Variants in CREB3L1 observed in about 807,000 individuals in gnomAD.
CREB3L1 encodes cAMP responsive element binding protein 3 like 1.
In CREB3L1, 33 loss-of-function variants were observed where a neutral mutation model predicts 54.5. The observed-to-expected ratio is 0.61, with a 90% confidence interval of 0.46 to 0.81. CREB3L1 has a LOEUF of 0.81. Among genes scored for constraint, CREB3L1 ranks in the 30% least tolerant of loss-of-function variants. CREB3L1 has a pLI of 0.00. For missense variants in CREB3L1, 656 were observed against 673.3 expected (o/e 0.97, Z 0.29); for synonymous variants, 284 against 286.4 (o/e 0.99, Z 0.08).
chr11:46,303,858 T>C (rs1159555683), intron 2 of CREB3L1, among the ~76,000 whole-genome samples: 1 of 151,688 alleles, frequency 6.6e-6, no homozygotes, highest in African/African-American at 2.4e-5. Flanking sequence ...ATTAAAAAAT[T>C]AGCCAGGCAT....
intron 1 of CREB3L1, among the ~76,000 whole-genome samples, chr11:46,279,428 C>G (rs1438918474): frequency 6.6e-6 from 1 of 152,128 alleles, no homozygotes; most frequent in Non-Finnish European, 1.5e-5. Context: ...TCCTGGTCAC[C>G]CTGCGCTCTG....
chr11:46,289,930 A>T (rs1322372755), intron 1 of CREB3L1, among the ~76,000 whole-genome samples: 3 of 152,168 alleles, frequency 2.0e-5, no homozygotes, highest in African/African-American at 7.2e-5. Flanking sequence ...CCTGCGGTCC[A>T]TCAGGCGGAT....
intron 1 of CREB3L1, among the ~76,000 whole-genome samples, chr11:46,298,060 G>A (rs192496081): frequency 6.5e-4 from 99 of 152,328 alleles, no homozygotes; most frequent in African/African-American, 2.3e-3. Flanking sequence ...CTGAGGCACG[G>A]GGAAGTTAAG....
rs1566176814 is a variant in CREB3L1, at chr11:46,278,053, G to A, written c.-59G>A. On this transcript the variant is annotated 5_prime_UTR_variant, in exon 1 of 12. Coordinates refer to ENST00000621158, the MANE Select transcript of CREB3L1 (RefSeq NM_052854.4). This position sits in a 1 kb window ranked among gnomAD's most constrained non-coding sequence, Gnocchi z 4.2. ...CTCAGGCAGGAGCTCTGGACTGGGCGCGCCGCCGCCCTGGAGTGAGGGAAG... is the reference window on the plus strand; with the variant it reads ...CTCAGGCAGGAGCTCTGGACTGGGCACGCCGCCGCCCTGGAGTGAGGGAAG... 9.1e-7 allele frequency: 1 copy of A among 1,099,916 alleles called. No individual in the cohort carries two copies. Among genetic ancestry groups the A allele is most frequent in the Non-Finnish European group, 1.3e-6 (1 of 771,096 alleles). The allele number at this position is 1,099,916 out of a possible 1,614,324, so 68.1% of individuals were successfully genotyped here.
rs1160802290 is a variant in CREB3L1, at chr11:46,320,925, A to G, written c.*179A>G. ...TTTGGACTCTTCCCTTGGGCCGACC[A>G]CTCTGTTCTCATTCTCCTTCCCACC... On this transcript the variant is annotated 3_prime_UTR_variant, in exon 12 of 12. Coordinates refer to ENST00000621158, the MANE Select transcript of CREB3L1 (RefSeq NM_052854.4). 2 of 731,336 alleles carry G rather than the reference A, an allele frequency of 2.7e-6. No individual in the cohort carries two copies. Among genetic ancestry groups the G allele is most frequent in the East Asian group, 5.4e-5 (2 of 37,236 alleles). The allele number at this position is 731,336 out of a possible 1,614,324, so 45.3% of individuals were successfully genotyped here. A position where few individuals can be genotyped will look rare whatever the true frequency, so the allele number is the denominator to read the frequency against.
rs140310641 is a variant in CREB3L1, at chr11:46,280,745, C to T, written c.102+2532C>T. Among the ~76,000 whole-genome samples, 425 of 152,160 alleles carry T rather than the reference C, an allele frequency of 2.8e-3. 2 individuals carry two copies. Among genetic ancestry groups the T allele is most frequent in the African/African-American group, 9.9e-3 (412 of 41,506 alleles). On this transcript the variant is annotated intron_variant, in intron 1 of 11. Transcript: ENST00000621158. ...TCTCTGGGGTCTCCATCTCCATATC[C>T]GAGGTTCTTTCCAGCTGAGATCCCA...
chr11:46,311,890 C>A (rs567413238), intron 5 of CREB3L1, among the ~76,000 whole-genome samples: 1 of 152,304 alleles, frequency 6.6e-6, no homozygotes, highest in South Asian at 2.1e-4. Context: ...CAGGGGATGA[C>A]CCAGGCTGCC....
chr11:46,320,227 TCTTGGGCACACCGCTCATC>T lies in CREB3L1; in HGVS notation c.1259-34_1259-16del. ...GAATGTGGCCAGGATGTTGAGGGAA[TCTTGGGCACACCGCTCATC>T]CTACACTCCCTCTCCAGTGCCCTCC... On this transcript the variant is annotated intron_variant, in intron 10 of 11. Transcript: ENST00000621158. 6.5e-7 allele frequency: 1 copy of T among 1,543,276 alleles called. No individual in the cohort carries two copies.
intron 1 of CREB3L1, among the ~76,000 whole-genome samples, chr11:46,298,391 G>T (rs1335530426): frequency 6.6e-6 from 1 of 152,130 alleles, no homozygotes; most frequent in Non-Finnish European, 1.5e-5. Context: ...CAATAAATAA[G>T]GAACAAACAA....
chr11:46,294,663 G>C (rs1452006174), intron 1 of CREB3L1, among the ~76,000 whole-genome samples: 1 of 144,338 alleles, frequency 6.9e-6, no homozygotes, highest in Non-Finnish European at 1.5e-5. Context: ...CAATGCTTAA[G>C]GACAGGGGGG....
At chr11:46,280,932 T>C (rs1328284124) in intron 1 of CREB3L1, among the ~76,000 whole-genome samples, 2 of 152,222 alleles carry the variant, frequency 1.3e-5, no homozygotes, top group African/African-American at 2.4e-5. Flanking sequence ...CCATAAATCA[T>C]GTGGAAATCA....
intron 2 of CREB3L1, among the ~76,000 whole-genome samples, chr11:46,305,927 C>T (rs1429888328): frequency 5.3e-5 from 8 of 151,406 alleles, no homozygotes; most frequent in Admixed American, 2.0e-4. Flanking sequence ...TTAGTAGAGA[C>T]GGGGTTTCAC....
chr11:46,313,278 A>G (rs2136355895), intron 8 of CREB3L1, among the ~76,000 whole-genome samples: 1 of 152,328 alleles, frequency 6.6e-6, no homozygotes, highest in Non-Finnish European at 1.5e-5. Flanking sequence ...CTGTGTTTTA[A>G]TAAGCCCTCC....
chr11:46,308,308 G>A (rs1939432755), intron 3 of CREB3L1, among the ~76,000 whole-genome samples: 1 of 152,182 alleles, frequency 6.6e-6, no homozygotes, highest in Non-Finnish European at 1.5e-5. Flanking sequence ...GGGTCTCAGA[G>A]GTGGAGACAG....
At chr11:46,312,752 G>A in intron 7 of CREB3L1, 82 bp downstream of exon 7, 1 of 1,555,624 alleles carries the variant, frequency 6.4e-7, no homozygotes, top group Non-Finnish European at 8.7e-7. Context: ...GGGCAGCAGA[G>A]GCAGGGGGCA....
intron 2 of CREB3L1, among the ~76,000 whole-genome samples, chr11:46,307,480 G>A (rs966202714): frequency 6.6e-6 from 1 of 152,160 alleles, no homozygotes; most frequent in Non-Finnish European, 1.5e-5. Context: ...CAGAACTTCT[G>A]TATTAGGTAC....
At chr11:46,305,570 T>TTA (rs1335228537) in intron 2 of CREB3L1, among the ~76,000 whole-genome samples, 71 of 147,690 alleles carry the variant, frequency 4.8e-4, no homozygotes, top group South Asian at 1.1e-3. Context: ...GAGTGATCTT[T>TTA]TATATATATA....
intron 1 of CREB3L1, among the ~76,000 whole-genome samples, chr11:46,296,799 G>C (rs953010372): frequency 6.6e-6 from 1 of 152,184 alleles, no homozygotes; most frequent in Non-Finnish European, 1.5e-5. Flanking sequence ...CGTTGCTCTG[G>C]AAGCTCCATC....
At chr11:46,280,190 G>GTT (rs1267979153) in intron 1 of CREB3L1, among the ~76,000 whole-genome samples, 6 of 93,698 alleles carry the variant, frequency 6.4e-5, no homozygotes, top group Non-Finnish European at 9.5e-5. Context: ...TTTGTTTTTT[G>GTT]TTTTTTGTTT....
Sources: allele counts gnomAD v4.1 joint callset (sites outside exome capture counted in the v4.1 genomes callset), GRCh38; gene constraint gnomAD v4.1.1; non-coding constraint Gnocchi (gnomAD v3.1); transcripts MANE v1.5; gene names NCBI Gene and HGNC (gene_info 2026-07-23, HGNC 2026-07-21).